The following POSTN variants were observed in gnomAD, a reference collection of about 807,000 sequenced individuals.
POSTN encodes periostin, also known as osteoblast specific factor 2 (fasciclin I-like).
Under a neutral mutation model 104.5 loss-of-function variants are expected in POSTN, and 71 were observed. That is an observed-to-expected ratio of 0.68 (90% CI 0.56 to 0.83). The LOEUF (loss-of-function observed/expected upper bound fraction) is 0.83. POSTN is among the 40% of genes least tolerant of loss of function. The probability of loss-of-function intolerance (pLI) is 0.00; values close to 1 mark genes in which losing one functional copy is unlikely to be tolerated. For missense variants in POSTN, 949 were observed against 1,006.8 expected, an observed-to-expected ratio of 0.94 and a Z score of 0.78; for synonymous variants, 355 against 340.7, an observed-to-expected ratio of 1.04 and a Z score of -0.46.
intron 9 of POSTN, among the ~76,000 whole-genome samples, chr13:37,583,318 A>ATAT (rs1566024862): frequency 6.6e-6 from 1 of 152,108 alleles, no homozygotes; most frequent in Non-Finnish European, 1.5e-5. Flanking sequence ...TTATTTCTAA[A>ATAT]TATTATTATG....
intron 15 of POSTN, among the ~76,000 whole-genome samples, 186 bp downstream of exon 15, chr13:37,578,658 G>A (rs927620272): frequency 2.0e-5 from 3 of 151,810 alleles, no homozygotes; most frequent in Non-Finnish European, 2.9e-5. Context: ...AATTAGCTGG[G>A]TGTGGTGGTG....
intron 2 of POSTN, among the ~76,000 whole-genome samples, chr13:37,592,397 C>G (rs1950963634): frequency 6.6e-6 from 1 of 152,182 alleles, no homozygotes; most frequent in South Asian, 2.1e-4. Context: ...CTCTCGGGTT[C>G]ACGCCATTCT....
chr13:37,582,558 A>C, intron 9 of POSTN, 44 bp from the exon 10 acceptor site: 1 of 1,517,524 alleles, frequency 6.6e-7, no homozygotes, highest in Non-Finnish European at 8.9e-7. Flanking sequence ...TTATTTAGAA[A>C]ACATTGAAGT....
rs747332360 is a variant in POSTN at position 37,590,421 on chromosome 13, G to A, written c.392C>T (p.Ser131Phe). ...KLREEIEGKG[S>F]FTYFAPSNEA... ...ATTACTCGGTGCAAAGTAAGTGAAG[G>A]ATCCCTTTCCCTCGATCTCCTCCCT... is the stretch of plus-strand genomic sequence containing the variant. Residue 131 changes from serine to phenylalanine, a missense_variant, in exon 4 of 23, where the codon TCC (serine) becomes TTC (phenylalanine). By Grantham distance (155) the Ser-to-Phe change is radical. Transcript: ENST00000379747. The A allele has an allele frequency of 6.2e-7, 1 of 1,609,686 alleles. No homozygotes were observed. The highest frequency in any genetic ancestry group is 1.3e-5 in the African/African-American group (1 of 74,882).
In POSTN at chr13:37,592,453, C is replaced by T. The variant is rs1261027104; in HGVS notation, c.219-289G>A. Among the ~76,000 whole-genome samples, 6 of 152,128 alleles carry T rather than the reference C, an allele frequency of 3.9e-5. No individual in the cohort carries two copies. The South Asian group carries it at 6.2e-4, about 16-fold the overall frequency. ...AGCTGGGACTACAGGCGCCTACCAC[C>T]ACGCCTGGCTAATTTTTTGTATTTT... On this transcript the variant is annotated intron_variant, in intron 2 of 22. Coordinates refer to ENST00000379747, the MANE Select transcript of POSTN (RefSeq NM_006475.3).
chr13:37,564,039 C>T (rs1950006296), intron 22 of POSTN, among the ~76,000 whole-genome samples: 1 of 150,870 alleles, frequency 6.6e-6, no homozygotes, highest in African/African-American at 2.4e-5. Context: ...CAAACTGTAG[C>T]ATTGTCTCAC....
At chr13:37,580,484 C>G in intron 11 of POSTN, 77 bp downstream of exon 11, 2 of 1,513,102 alleles carry the variant, frequency 1.3e-6, no homozygotes, top group South Asian at 1.2e-5. Context: ...GACTGAATGC[C>G]TTTTGGGATA....
chr13:37,571,533 T>G (rs1486082741), intron 17 of POSTN, 75 bp from the exon 18 acceptor site: 12 of 1,129,318 alleles, frequency 1.1e-5, no homozygotes, highest in Non-Finnish European at 1.6e-5. Flanking sequence ...GACATTTATT[T>G]CAACATTCGG....
chr13:37,579,651 T>A (rs1376712764), intron 12 of POSTN, among the ~76,000 whole-genome samples: 1 of 152,206 alleles, frequency 6.6e-6, no homozygotes, highest in East Asian at 1.9e-4. Flanking sequence ...TAAGTGAACA[T>A]CTAGCCCAAC....
chr13:37,597,037 C>T lies in POSTN; in HGVS notation c.218+147G>A, dbSNP rs541789304. The T allele has an allele frequency of 3.7e-4, 187 of 505,654 alleles. 1 individual carries two copies. In the South Asian group the frequency reaches 5.0e-3, roughly 14 times the overall value. 31.3% of individuals were successfully genotyped at this position (505,654 alleles called of 1,614,324 possible). On this transcript the variant is annotated intron_variant, in intron 2 of 22. Transcript: ENST00000379747. Reference sequence around the variant, plus strand: ...GATGCAGGGAGAACTTCTTTATTCACGTATGTATTCCTTTCTTTTCTTTAA... The same window carrying T: ...GATGCAGGGAGAACTTCTTTATTCATGTATGTATTCCTTTCTTTTCTTTAA...
In POSTN at chr13:37,579,216, C is replaced by T. The variant is rs765779032; in HGVS notation, c.1791+13G>A. On this transcript the variant is annotated intron_variant, in intron 13 of 22. Transcript: ENST00000379747. ...GGATGAACACTATCATAAATTCATT[C>T]TAGACAACTTACTTCTTTCAGAAAG... 8.1e-6 allele frequency: 13 copies of T among 1,609,436 alleles called. No individual in the cohort carries two copies. Among genetic ancestry groups the T allele is most frequent in the Non-Finnish European group, 1.1e-5 (13 of 1,176,088 alleles).
chr13:37,586,494 A>G (rs1025350013), intron 6 of POSTN, among the ~76,000 whole-genome samples: 3 of 152,166 alleles, frequency 2.0e-5, no homozygotes, highest in African/African-American at 7.2e-5. Context: ...GCCCATGTTT[A>G]TGGGACTGTA....
rs765211021 is a variant in POSTN, at chr13:37,584,889, G to T, written c.935C>A (p.Ser312Tyr). The change falls in exon 8 of 23, where the codon TCT becomes TAT. Residue 312 changes from serine to tyrosine, a missense_variant. Ser to Tyr is a moderately radical substitution (Grantham distance 144, BLOSUM62 -2). Coordinates refer to ENST00000379747, the MANE Select transcript of POSTN (RefSeq NM_006475.3). ...KYHILNTLQC[S>Y]ESIMGGAVFE... is the part of the protein sequence containing the mutation. Reference sequence around the variant, plus strand: ...GACTGCTCCTCCCATAATAGACTCAGAACACTGGAGAGTATTTAAGATGTG... The same window carrying T: ...GACTGCTCCTCCCATAATAGACTCATAACACTGGAGAGTATTTAAGATGTG... 3.1e-6 allele frequency: 5 copies of T among 1,613,778 alleles called. No homozygotes were observed. The East Asian group carries it at 1.1e-4, about 36-fold the overall frequency.
intron 6 of POSTN, 64 bp from the exon 7 acceptor site, chr13:37,586,344 A>C: frequency 6.5e-7 from 1 of 1,529,666 alleles, no homozygotes; most frequent in Admixed American, 1.9e-5. Context: ...ATTGCAACAC[A>C]CTTAGCCTAG....
chr13:37,570,892 T>G (rs1950242371), intron 18 of POSTN: 1 of 457,366 alleles, frequency 2.2e-6, no homozygotes, highest in Non-Finnish European at 3.9e-6. Flanking sequence ...CCATTTGACA[T>G]CCTAACTCTC....
chr13:37,595,692 A>G, intron 2 of POSTN, among the ~76,000 whole-genome samples: 1 of 152,322 alleles, frequency 6.6e-6, no homozygotes, highest in Non-Finnish European at 1.5e-5. Context: ...CATTATGGTT[A>G]CTTAGTAATT....
rs1018327307 is a variant in POSTN at position 37,587,676 on chromosome 13, G to C, written c.606+146C>G. The C allele has an allele frequency of 3.6e-5, 22 of 608,296 alleles. No homozygotes were observed. The African/African-American group carries it at 4.1e-4, about 11-fold the overall frequency. 37.7% of individuals were successfully genotyped at this position (608,296 alleles called of 1,614,324 possible). On this transcript the variant is annotated intron_variant, in intron 5 of 22. Transcript: ENST00000379747. ...TAATAACCAGATTGGAAATTTACAT[G>C]CCCTAGATTTGGGGGTAAAGTCATA...
chr13:37,580,590 A>C lies in POSTN; in HGVS notation c.1500T>G (p.His500Gln). 3 of 1,614,042 alleles carry C rather than the reference A, an allele frequency of 1.9e-6. No homozygotes were observed. Among genetic ancestry groups the C allele is most frequent in the Non-Finnish European group, 2.5e-6 (3 of 1,179,990 alleles). ...EIIKPAEKSL[H>Q]EKLKQDKRFS... Reference sequence around the variant, plus strand: ...AGCGCTTATCTTGTTTTAACTTTTCATGGAGGGATTTCTCTGCTGGCTTGA... The same window carrying C: ...AGCGCTTATCTTGTTTTAACTTTTCCTGGAGGGATTTCTCTGCTGGCTTGA... The change falls in exon 11 of 23, where the codon CAT becomes CAG. Residue 500 changes from histidine to glutamine, a missense_variant. Transcript: ENST00000379747.
intron 16 of POSTN, 56 bp from the exon 17 acceptor site, chr13:37,574,708 GTT>G: frequency 1.9e-4 from 234 of 1,264,462 alleles, no homozygotes; most frequent in South Asian, 4.9e-4. Flanking sequence ...CTGAACAAAG[GTT>G]TTTTTTTTTT....
Sources: gnomAD v4.1 joint callset for allele counts (sites outside exome capture counted in the v4.1 genomes callset) on GRCh38, gnomAD v4.1.1 for gene constraint, MANE v1.5 for transcripts, NCBI Gene and HGNC (gene_info 2026-07-23, HGNC 2026-07-21) for gene names.